Variants in SEMA3A observed in about 807,000 individuals in gnomAD.
SEMA3A encodes the protein semaphorin 3A.
A neutral mutation model predicts 97.9 loss-of-function variants in SEMA3A; 29 were observed. The ratio of observed to expected loss-of-function variants is 0.30; its 90% CI spans 0.22 to 0.40. The LOEUF is 0.40. Among genes scored for constraint, SEMA3A ranks in the 10% least tolerant of loss-of-function variants. The probability of loss-of-function intolerance (pLI) is 1.00; values close to 1 mark genes in which losing one functional copy is unlikely to be tolerated. For synonymous variants in SEMA3A, 321 were observed against 323.7 expected (o/e 0.99, Z 0.09); for missense variants, 763 against 951.3 (o/e 0.80, Z 2.60).
At chr7:84,403,034 T>G (rs937230343) in intron 1 of SEMA3A, among the ~76,000 whole-genome samples, 1 of 151,690 alleles carries the variant, frequency 6.6e-6, no homozygotes, top group African/African-American at 2.4e-5. Context: ...CACTGGGGAG[T>G]GCCGGAGAGT....
chr7:83,990,888 G>C (rs942359018), intron 12 of SEMA3A, among the ~76,000 whole-genome samples: 4 of 151,722 alleles, frequency 2.6e-5, no homozygotes, highest in Non-Finnish European at 4.4e-5. Flanking sequence ...GGATGGCATT[G>C]AATCTGTAAA....
chr7:84,094,090 C>T (rs1321730176), intron 4 of SEMA3A, among the ~76,000 whole-genome samples: 1 of 152,036 alleles, frequency 6.6e-6, no homozygotes, highest in African/African-American at 2.4e-5. Flanking sequence ...ATGTGGAAGT[C>T]TGACTGGATA....
intron 3 of SEMA3A, among the ~76,000 whole-genome samples, chr7:84,204,314 G>C (rs1798434079): frequency 1.3e-5 from 2 of 152,156 alleles, no homozygotes; most frequent in Admixed American, 1.3e-4. Flanking sequence ...ATAAATGTCA[G>C]TTTATTTGTC....
chr7:83,981,035 C>A (rs558197242), intron 14 of SEMA3A, among the ~76,000 whole-genome samples: 1 of 152,090 alleles, frequency 6.6e-6, no homozygotes, highest in South Asian at 2.1e-4. Flanking sequence ...CAGAATGTTG[C>A]TGGATAGAAA....
intron 2 of SEMA3A, among the ~76,000 whole-genome samples, chr7:84,371,311 T>G (rs867624139): frequency 4.0e-4 from 61 of 151,798 alleles, no homozygotes; most frequent in Non-Finnish European, 5.9e-5. Flanking sequence ...ATGGGGGAAG[T>G]AGACAGTTGA....
chr7:84,322,628 C>T (rs868867154), intron 2 of SEMA3A, among the ~76,000 whole-genome samples: 3 of 152,132 alleles, frequency 2.0e-5, no homozygotes, highest in South Asian at 4.1e-4. Flanking sequence ...TCATCTTCTG[C>T]CATGATTGTG....
At chr7:83,964,337 A>G (rs1788589269) in intron 15 of SEMA3A, among the ~76,000 whole-genome samples, 2 of 152,236 alleles carry the variant, frequency 1.3e-5, no homozygotes, top group African/African-American at 4.8e-5. Context: ...GAAAGCTGAC[A>G]GTGTAGACAG....
chr7:84,052,583 C>T (rs1275180841), intron 5 of SEMA3A, among the ~76,000 whole-genome samples: 1 of 151,856 alleles, frequency 6.6e-6, no homozygotes, highest in African/African-American at 2.4e-5. Flanking sequence ...TTTATTGTGT[C>T]TATTTGATTC....
chr7:84,274,333 G>A (rs1399917673), intron 3 of SEMA3A, among the ~76,000 whole-genome samples: 2 of 152,000 alleles, frequency 1.3e-5, no homozygotes, highest in African/African-American at 2.4e-5. Context: ...CCACCGTGCA[G>A]GAAAGGCCCC....
intron 4 of SEMA3A, among the ~76,000 whole-genome samples, chr7:84,107,512 C>T (rs565720456): frequency 3.9e-5 from 6 of 152,266 alleles, no homozygotes; most frequent in Non-Finnish European, 5.9e-5. Context: ...CACTGAGCTT[C>T]TGAAGGAGGA....
At chr7:84,482,074 T>C (rs1806460889) in intron 1 of SEMA3A, among the ~76,000 whole-genome samples, 1 of 151,822 alleles carries the variant, frequency 6.6e-6, no homozygotes, top group African/African-American at 2.4e-5. Context: ...TTATCATAAA[T>C]GAAATTATAT....
rs149733256 is a variant in SEMA3A at position 84,392,376 on chromosome 7, A to G, written c.-245-20476T>C. On this transcript the variant is annotated intron_variant, in intron 1 of 3. Transcript: ENST00000424555. Reference sequence around the variant, plus strand: ...AGTATAATGTTCTGCAATTCTATTCATGTTGTTGCAAATGATAAGGTATCT... The same window carrying G: ...AGTATAATGTTCTGCAATTCTATTCGTGTTGTTGCAAATGATAAGGTATCT... Among the ~76,000 whole-genome samples the G allele has an allele frequency of 3.7e-3, 557 of 152,246 alleles. 2 individuals are homozygous for G. The highest frequency in any genetic ancestry group is 0.013 in the African/African-American group (535 of 41,548).
intron 1 of SEMA3A, among the ~76,000 whole-genome samples, chr7:84,148,936 A>G (rs1179549380): frequency 6.6e-6 from 1 of 152,170 alleles, no homozygotes; most frequent in Non-Finnish European, 1.5e-5. Flanking sequence ...GTGTTAATTG[A>G]CTGTGTTATG....
chr7:84,192,182 T>C (rs1227498103), intron 1 of SEMA3A, among the ~76,000 whole-genome samples: 1 of 151,972 alleles, frequency 6.6e-6, no homozygotes, highest in East Asian at 1.9e-4. Flanking sequence ...ATGTTTTAAC[T>C]GTGTTTGACA....
chr7:84,090,928 G>A (rs913779185), intron 4 of SEMA3A, among the ~76,000 whole-genome samples: 14 of 151,062 alleles, frequency 9.3e-5, no homozygotes, highest in African/African-American at 1.7e-4. Context: ...TTAGCTGGGC[G>A]TGGTGGCTCA....
intron 4 of SEMA3A, among the ~76,000 whole-genome samples, chr7:84,062,507 C>A (rs1220296974): frequency 1.3e-5 from 2 of 152,168 alleles, no homozygotes; most frequent in South Asian, 2.1e-4. Flanking sequence ...ATCTCAGGTA[C>A]CGGGTTCACC....
At position 84,061,276 on chromosome 7, in the gene SEMA3A, G is replaced by C. The variant is rs17158551; in HGVS notation, c.454-718C>G. Among the ~76,000 whole-genome samples, 857 of 152,232 alleles carry C rather than the reference G, an allele frequency of 5.6e-3. 9 individuals carry two copies. Among genetic ancestry groups the C allele is most frequent in the African/African-American group, 0.019 (790 of 41,532 alleles). ...TCCCTAAGTACTCAGAAACAGGAAT[G>C]AACTTTTGACTACCTATAAAAAATA... On this transcript the variant is annotated intron_variant, in intron 4 of 16. Coordinates refer to ENST00000265362, the MANE Select transcript of SEMA3A (RefSeq NM_006080.3).
chr7:84,202,164 T>C (rs1023638386), intron 3 of SEMA3A, among the ~76,000 whole-genome samples: 1 of 152,176 alleles, frequency 6.6e-6, no homozygotes, highest in African/African-American at 2.4e-5. Context: ...TTGTACAACA[T>C]GGCAACTATA....
chr7:84,328,503 AT>A (rs1355551908), intron 2 of SEMA3A, among the ~76,000 whole-genome samples: 1 of 152,000 alleles, frequency 6.6e-6, no homozygotes, highest in Admixed American at 6.6e-5. Context: ...TATGAGAAAA[AT>A]ATCTTTGAAA....
Sources: allele counts gnomAD v4.1 joint callset (sites outside exome capture counted in the v4.1 genomes callset), GRCh38; gene constraint gnomAD v4.1.1; transcripts MANE v1.5; gene names NCBI Gene and HGNC (gene_info 2026-07-23, HGNC 2026-07-21).